ZNF215: variants seen among roughly 807,000 people sequenced by gnomAD.
The protein encoded by ZNF215 is zinc finger protein 215.
Under a neutral mutation model 27.2 loss-of-function variants are expected in ZNF215, and 24 were observed. That is an observed-to-expected ratio of 0.88 (90% confidence interval 0.64 to 1.24). The LOEUF (loss-of-function observed/expected upper bound fraction) is 1.24, where lower values mean the gene tolerates loss of function less well. Among genes scored for constraint, ZNF215 ranks in the 50% most tolerant of loss-of-function variants. ZNF215 has a pLI of 0.00. For synonymous variants in ZNF215, 210 were observed against 204.0 expected (o/e 1.03, Z -0.25); for missense variants, 675 against 605.7 (o/e 1.11, Z -1.20).
intron 3 of ZNF215, among the ~76,000 whole-genome samples, chr11:6,934,291 T>C (rs1342081059): frequency 1.3e-5 from 2 of 152,224 alleles, no homozygotes; most frequent in African/African-American, 2.4e-5. Flanking sequence ...ATTTTAAAAA[T>C]AATTCATTGA....
chr11:6,991,260 G>A (rs1851113694), downstream of ZNF215, among the ~76,000 whole-genome samples: 1 of 152,186 alleles, frequency 6.6e-6, no homozygotes, highest in Admixed American at 6.5e-5. Flanking sequence ...AGAATGGATG[G>A]CTCCTTGTTA....
chr11:6,951,711 G>T (rs905383842), intron 6 of ZNF215, among the ~76,000 whole-genome samples: 2 of 151,950 alleles, frequency 1.3e-5, no homozygotes, highest in South Asian at 2.1e-4. Context: ...TTTTTTGAAG[G>T]GTTTTTTGTG....
chr11:6,951,754 G>A (rs7113150), intron 6 of ZNF215, among the ~76,000 whole-genome samples: 103,356 of 151,734 alleles, frequency 0.68, 35,855 homozygotes, highest in South Asian at 0.8. Context: ...TCTGATTTTA[G>A]TTATTTCTTG....
intron 5 of ZNF215, among the ~76,000 whole-genome samples, chr11:6,963,381 T>C (rs944024039): frequency 5.9e-5 from 9 of 152,104 alleles, no homozygotes; most frequent in Non-Finnish European, 1.2e-4. Context: ...TGTTATTGCA[T>C]GTTATTTATT....
chr11:6,930,674 A>G (rs1339856849), intron 2 of ZNF215, among the ~76,000 whole-genome samples: 1 of 152,240 alleles, frequency 6.6e-6, no homozygotes, highest in African/African-American at 2.4e-5. Flanking sequence ...ACATTGTAAC[A>G]TACATGTGTG....
chr11:6,940,377 T>A (rs1408493112), intron 3 of ZNF215, among the ~76,000 whole-genome samples: 3 of 152,172 alleles, frequency 2.0e-5, no homozygotes, highest in Non-Finnish European at 4.4e-5. Context: ...CGAACACCAC[T>A]CACTGCAGCC....
intron 6 of ZNF215, among the ~76,000 whole-genome samples, chr11:6,945,031 C>T (rs1849767726): frequency 6.6e-6 from 1 of 152,080 alleles, no homozygotes; most frequent in Non-Finnish European, 1.5e-5. Flanking sequence ...AGGAACTTGA[C>T]ATTAAAGAGT....
At position 6,937,697 on chromosome 11, in the gene ZNF215, T is replaced by A. The variant is rs75119901; in HGVS notation, c.401-3874T>A. On this transcript the variant is annotated intron_variant, in intron 3 of 6. Coordinates refer to ENST00000278319, the MANE Select transcript of ZNF215 (RefSeq NM_013250.4). ...AATTAAGAGTCCAGAAATAAACTCA[T>A]ACATCTATGTCCAGTTAATTTTTGA... Among the ~76,000 whole-genome samples, 66 of 152,066 alleles carry A rather than the reference T, an allele frequency of 4.3e-4. 2 individuals carry two copies. The highest frequency in any genetic ancestry group is 4.1e-3 in the Admixed American group (63 of 15,280).
intron 5 of ZNF215, among the ~76,000 whole-genome samples, chr11:6,966,332 G>A (rs1298662089): frequency 6.6e-6 from 1 of 152,050 alleles, no homozygotes. Flanking sequence ...AGCTGAGGGT[G>A]GAGGGTGGTA....
intron 5 of ZNF215, among the ~76,000 whole-genome samples, chr11:6,974,121 A>G (rs1850780597): frequency 6.6e-6 from 1 of 152,096 alleles, no homozygotes; most frequent in Admixed American, 6.6e-5. Flanking sequence ...ATGGCTAGCC[A>G]GTTTTCCCAG....
chr11:6,974,267 TACC>T (rs1375379347), intron 5 of ZNF215, among the ~76,000 whole-genome samples: 1 of 152,202 alleles, frequency 6.6e-6, no homozygotes, highest in Non-Finnish European at 1.5e-5. Flanking sequence ...CCTGTTTTGG[TACC>T]AGTACCATGC....
intron 3 of ZNF215, among the ~76,000 whole-genome samples, chr11:6,935,500 T>C (rs1435695353): frequency 6.6e-6 from 1 of 152,140 alleles, no homozygotes. Flanking sequence ...ACATAGCATA[T>C]AGAGTTTACA....
At chr11:6,977,691 C>G (rs1457636178) in intron 5 of ZNF215, among the ~76,000 whole-genome samples, 1 of 151,890 alleles carries the variant, frequency 6.6e-6, no homozygotes, top group Non-Finnish European at 1.5e-5. Context: ...CTGCTGACAC[C>G]TGGATCTTGG....
At chr11:6,984,178 G>C (rs772935669) in exon 6 of ZNF215, 1 of 364,064 alleles carries the variant, frequency 2.7e-6, no homozygotes, top group African/African-American at 2.3e-5. Flanking sequence ...ATGCAGTCTC[G>C]GCTCACTGCA....
intron 5 of ZNF215, among the ~76,000 whole-genome samples, chr11:6,980,840 A>G (rs1194719874): frequency 7.0e-6 from 1 of 142,794 alleles, no homozygotes; most frequent in Admixed American, 7.6e-5. Context: ...TTTCCCACCT[A>G]TGAGTGAGAA....
chr11:6,971,416 C>A (rs75741510), intron 5 of ZNF215, among the ~76,000 whole-genome samples: 1 of 151,994 alleles, frequency 6.6e-6, no homozygotes, highest in East Asian at 1.9e-4. Context: ...CTTTTTATTG[C>A]AGTTTGTTAA....
intron 5 of ZNF215, among the ~76,000 whole-genome samples, chr11:6,970,668 T>C (rs1850701241): frequency 6.6e-6 from 1 of 152,178 alleles, no homozygotes; most frequent in African/African-American, 2.4e-5. Flanking sequence ...GCATTCATTA[T>C]ACTGTTCTCT....
At chr11:6,955,055 C>T (rs1465070253) in intron 6 of ZNF215, among the ~76,000 whole-genome samples, 2 of 152,058 alleles carry the variant, frequency 1.3e-5, no homozygotes, top group Non-Finnish European at 2.9e-5. Context: ...GTTTTGAATT[C>T]TAGGAAGTAC....
At chr11:6,968,532 T>G (rs1363165491) in intron 5 of ZNF215, among the ~76,000 whole-genome samples, 1 of 151,930 alleles carries the variant, frequency 6.6e-6, no homozygotes, top group Non-Finnish European at 1.5e-5. Context: ...AGCCTTTTTT[T>G]TTTTTTTGAA....
Sources: allele counts gnomAD v4.1 joint callset (sites outside exome capture counted in the v4.1 genomes callset), GRCh38; gene constraint gnomAD v4.1.1; transcripts MANE v1.5; gene names NCBI Gene and HGNC (gene_info 2026-07-23, HGNC 2026-07-21).